Variants in TMEM17 observed in about 807,000 individuals in gnomAD.
The protein encoded by TMEM17 is transmembrane protein 17.
TMEM17 carries 15 observed loss-of-function variants against 19.1 expected under a neutral mutation model. That is an observed-to-expected ratio of 0.78 (90% CI 0.52 to 1.21). TMEM17 has a LOEUF of 1.21. Among genes scored for constraint, TMEM17 ranks in the 50% most tolerant of loss-of-function variants. The probability of loss-of-function intolerance (pLI) is 0.00; values close to 1 mark genes in which losing one functional copy is unlikely to be tolerated. For synonymous variants in TMEM17, 103 were observed against 86.9 expected, an observed-to-expected ratio of 1.19 and a Z score of -1.03; for missense variants, 245 against 242.3, an observed-to-expected ratio of 1.01 and a Z score of -0.07.
the TMEM17 span, among the ~76,000 whole-genome samples, chr2:62,468,092 G>T: frequency 6.6e-6 from 1 of 152,094 alleles, no homozygotes; most frequent in Non-Finnish European, 1.5e-5. Context: ...TTTGGCAAAT[G>T]TGCAGGGGGC....
At chr2:62,462,480 C>T in the TMEM17 span, among the ~76,000 whole-genome samples, 8 of 152,166 alleles carry the variant, frequency 5.3e-5, no homozygotes, top group Non-Finnish European at 8.8e-5. Flanking sequence ...AAGAAAAATC[C>T]ACCCCTCCCC....
rs775048955 is a variant in TMEM17 at position 62,506,091 on chromosome 2, G to A, written c.39C>T (p.Asn13=). ...AATCACTGAACACGGCCCGGCTGAA[G>A]TTTCCCAGCCGCTGGCGCACCGGAT... The part of the protein sequence containing the change: ...LPDPVRQRLG[N]FSRAVFSDSN... The change falls in exon 1 of 4, where the codon AAC becomes AAT. Residue 13 remains asparagine (N), a synonymous_variant. Coordinates refer to ENST00000335390, the MANE Select transcript of TMEM17 (RefSeq NM_198276.3). 6.8e-6 allele frequency: 11 copies of A among 1,610,468 alleles called. No individual in the cohort carries two copies. In the South Asian group the frequency reaches 1.2e-4, roughly 18 times the overall value.
chr2:62,493,026 C>CGTTT, the TMEM17 span, among the ~76,000 whole-genome samples: 1 of 151,562 alleles, frequency 6.6e-6, no homozygotes, highest in Non-Finnish European at 1.5e-5. Context: ...GAGAGTCCTT[C>CGTTT]GTTTGTTTGT....
the TMEM17 span, among the ~76,000 whole-genome samples, chr2:62,462,452 G>T: frequency 5.3e-5 from 8 of 152,086 alleles, no homozygotes; most frequent in African/African-American, 1.9e-4. Context: ...CCCATAGGCC[G>T]CAGGGAAGAC....
At chr2:62,465,457 T>A in the TMEM17 span, among the ~76,000 whole-genome samples, 3 of 152,144 alleles carry the variant, frequency 2.0e-5, no homozygotes, top group Non-Finnish European at 4.4e-5. Context: ...GTCTAAAACT[T>A]CAAAATGAAA....
chr2:62,466,796 A>G, the TMEM17 span, among the ~76,000 whole-genome samples: 1 of 152,130 alleles, frequency 6.6e-6, no homozygotes, highest in South Asian at 2.1e-4. Context: ...AGCAAGTGGG[A>G]CCTGAATTTG....
At chr2:62,453,718 A>G in the TMEM17 span, among the ~76,000 whole-genome samples, 9 of 152,348 alleles carry the variant, frequency 5.9e-5, 1 homozygote, top group African/African-American at 2.2e-4. Context: ...GGCTATTCCC[A>G]TTCCTCTGTT....
At chr2:62,473,060 A>G in the TMEM17 span, among the ~76,000 whole-genome samples, 1 of 152,308 alleles carries the variant, frequency 6.6e-6, no homozygotes, top group Admixed American at 6.5e-5. Context: ...AGGATGCAGG[A>G]ATCACAAAAA....
chr2:62,501,605 A>G (rs73934253), intron 3 of TMEM17, 118 bp from the exon 4 acceptor site: 124,748 of 1,003,988 alleles, frequency 0.12, 8,966 homozygotes, highest in East Asian at 0.27. Flanking sequence ...GAGTGATTCC[A>G]AAGGAGGATG....
At chr2:62,491,083 A>AAAG in the TMEM17 span, 1 of 148,264 alleles carries the variant, frequency 6.7e-6, no homozygotes, top group Non-Finnish European at 1.5e-5. Context: ...CGTCTCAAAA[A>AAAG]AAAAAAAAAA....
At chr2:62,504,081 T>C (rs1680002203) in intron 1 of TMEM17, among the ~76,000 whole-genome samples, 1 of 152,226 alleles carries the variant, frequency 6.6e-6, no homozygotes, top group African/African-American at 2.4e-5. Flanking sequence ...AAAACATTAT[T>C]TTCTCCTTTT....
At chr2:62,502,588 G>A in intron 2 of TMEM17, 38 bp from the exon 3 acceptor site, 1 of 1,485,914 alleles carries the variant, frequency 6.7e-7, no homozygotes, top group Non-Finnish European at 9.2e-7. Context: ...AAAATCTCAT[G>A]TATAGTAACA....
chr2:62,468,622 T>C, the TMEM17 span, among the ~76,000 whole-genome samples: 122,909 of 152,152 alleles, frequency 0.81, 49,768 homozygotes, highest in African/African-American at 0.87. Context: ...GTGTTCACCA[T>C]AGAGAGAACT....
chr2:62,486,164 A>G, the TMEM17 span, among the ~76,000 whole-genome samples: 1 of 152,194 alleles, frequency 6.6e-6, no homozygotes, highest in Non-Finnish European at 1.5e-5. Context: ...AGAATGGTTC[A>G]GGCCTGGCTG....
At chr2:62,454,622 G>T in the TMEM17 span, among the ~76,000 whole-genome samples, 1 of 152,178 alleles carries the variant, frequency 6.6e-6, no homozygotes, top group Non-Finnish European at 1.5e-5. Context: ...AAATACTCCT[G>T]TGAGGTTTGA....
At chr2:62,486,358 C>T in the TMEM17 span, among the ~76,000 whole-genome samples, 1 of 151,468 alleles carries the variant, frequency 6.6e-6, no homozygotes, top group Non-Finnish European at 1.5e-5. Context: ...GGCTTTGGGT[C>T]AAGACTGAAA....
intron 1 of TMEM17, among the ~76,000 whole-genome samples, chr2:62,505,648 A>G (rs1016717030): frequency 2.0e-5 from 3 of 152,152 alleles, no homozygotes; most frequent in Non-Finnish European, 4.4e-5. Context: ...CAGAGGCAAA[A>G]CAACTTGGGC....
At chr2:62,461,874 G>A in the TMEM17 span, among the ~76,000 whole-genome samples, 1 of 152,218 alleles carries the variant, frequency 6.6e-6, no homozygotes, top group South Asian at 2.1e-4. Flanking sequence ...CAGGATCACT[G>A]CTAATCCAGA....
chr2:62,455,570 C>T, the TMEM17 span, among the ~76,000 whole-genome samples: 1 of 152,318 alleles, frequency 6.6e-6, no homozygotes, highest in South Asian at 2.1e-4. Context: ...AGTTCAAGAC[C>T]AGCCTGGCCA....
Sources: gnomAD v4.1 joint callset for allele counts (sites outside exome capture counted in the v4.1 genomes callset) on GRCh38, gnomAD v4.1.1 for gene constraint, MANE v1.5 for transcripts, NCBI Gene and HGNC (gene_info 2026-07-23, HGNC 2026-07-21) for gene names.